Variants in VTI1A observed in about 807,000 individuals in gnomAD.
The protein encoded by VTI1A is vesicle transport through interaction with t-SNAREs 1A.
Under a neutral mutation model 34.9 loss-of-function variants are expected in VTI1A, and 22 were observed. That is an observed-to-expected ratio of 0.63 (90% CI 0.45 to 0.90). VTI1A has a LOEUF of 0.90. VTI1A is among the 40% of genes least tolerant of loss of function. The pLI is 0.00. For missense variants in VTI1A, 268 were observed against 275.6 expected (o/e 0.97, Z 0.20); for synonymous variants, 87 against 97.3 (o/e 0.89, Z 0.62).
At chr10:112,679,614 T>G (rs763785739) in intron 7 of VTI1A, among the ~76,000 whole-genome samples, 5 of 152,064 alleles carry the variant, frequency 3.3e-5, no homozygotes, top group Non-Finnish European at 7.4e-5. Context: ...AATGGCAAAT[T>G]TGACCACAAT....
chr10:112,842,496 G>T, the VTI1A span, among the ~76,000 whole-genome samples: 1 of 152,224 alleles, frequency 6.6e-6, no homozygotes, highest in Non-Finnish European at 1.5e-5. Flanking sequence ...ACTGGTCCAG[G>T]TCAGCAGGCC....
chr10:112,741,945 A>G (rs762651990), intron 7 of VTI1A, among the ~76,000 whole-genome samples: 1 of 152,230 alleles, frequency 6.6e-6, no homozygotes, highest in Non-Finnish European at 1.5e-5. Flanking sequence ...TTAGCAATGC[A>G]TATTGAGATA....
At chr10:112,605,888 A>G (rs1536081) in intron 5 of VTI1A, among the ~76,000 whole-genome samples, 120,442 of 152,184 alleles carry the variant, frequency 0.79, 48,609 homozygotes, top group African/African-American at 0.93. Context: ...AACTTTTCAC[A>G]CAAAGCTAGA....
intron 3 of VTI1A, among the ~76,000 whole-genome samples, chr10:112,466,876 G>A (rs530181060): frequency 6.6e-6 from 1 of 152,242 alleles, no homozygotes; most frequent in East Asian, 1.9e-4. Context: ...GGTTCCTTTT[G>A]AGGCCTCTCT....
chr10:112,761,129 T>C (rs899564196), intron 7 of VTI1A, among the ~76,000 whole-genome samples: 4 of 152,294 alleles, frequency 2.6e-5, no homozygotes, highest in Non-Finnish European at 2.9e-5. Flanking sequence ...ATGGACTGTA[T>C]GTCTTGAGGA....
At chr10:112,447,490 C>T in intron 1 of VTI1A, 23 bp downstream of exon 1, 1 of 1,610,830 alleles carries the variant, frequency 6.2e-7, no homozygotes, top group Non-Finnish European at 8.5e-7. Flanking sequence ...CCCGGCTGGA[C>T]GAGGGTGCTG....
chr10:112,731,275 G>A (rs1005030298), intron 7 of VTI1A, among the ~76,000 whole-genome samples: 11 of 152,034 alleles, frequency 7.2e-5, no homozygotes, highest in Admixed American at 1.3e-4. Context: ...ATGACTTCCC[G>A]TGAATAAACT....
intron 7 of VTI1A, among the ~76,000 whole-genome samples, chr10:112,793,724 C>CT (rs1333272075): frequency 1.3e-5 from 2 of 152,220 alleles, no homozygotes; most frequent in African/African-American, 4.8e-5. Flanking sequence ...CAGGGTGGCG[C>CT]TTTTCTGCTA....
chr10:112,741,754 G>T (rs998842249), intron 7 of VTI1A, among the ~76,000 whole-genome samples: 7 of 151,954 alleles, frequency 4.6e-5, no homozygotes, highest in Non-Finnish European at 8.8e-5. Context: ...TACCAGCGTA[G>T]AAAAAAGGGG....
At chr10:112,666,423 C>T (rs898134692) in intron 5 of VTI1A, among the ~76,000 whole-genome samples, 4 of 152,142 alleles carry the variant, frequency 2.6e-5, no homozygotes, top group Admixed American at 2.6e-4. Context: ...CTTCTGTTAA[C>T]ACTTGTCTGT....
chr10:112,847,307 C>A, the VTI1A span, among the ~76,000 whole-genome samples: 1 of 152,290 alleles, frequency 6.6e-6, no homozygotes, highest in Middle Eastern at 3.4e-3. Context: ...CTGACCATCA[C>A]CCCCTATTTC....
intron 5 of VTI1A, among the ~76,000 whole-genome samples, chr10:112,574,539 T>C (rs925202403): frequency 2.6e-5 from 4 of 152,268 alleles, no homozygotes; most frequent in African/African-American, 9.6e-5. Flanking sequence ...CCCAGCTTTC[T>C]TTGCTATGAG....
intron 7 of VTI1A, among the ~76,000 whole-genome samples, chr10:112,762,641 T>C (rs1010521444): frequency 6.6e-6 from 1 of 152,244 alleles, no homozygotes; most frequent in African/African-American, 2.4e-5. Context: ...CAGGTCATTG[T>C]AATTATGCAA....
At chr10:112,656,660 C>T (rs986076341) in intron 5 of VTI1A, among the ~76,000 whole-genome samples, 4 of 151,838 alleles carry the variant, frequency 2.6e-5, no homozygotes, top group Non-Finnish European at 4.4e-5. Flanking sequence ...TGAGCCACCA[C>T]ACCCAGCCTA....
intron 5 of VTI1A, among the ~76,000 whole-genome samples, chr10:112,606,842 T>C (rs1452252894): frequency 6.6e-6 from 1 of 152,206 alleles, no homozygotes; most frequent in Non-Finnish European, 1.5e-5. Context: ...ACAATCAAAT[T>C]AGCTTCCTAT....
the VTI1A span, among the ~76,000 whole-genome samples, chr10:112,835,683 C>T: frequency 1.3e-5 from 2 of 152,110 alleles, no homozygotes; most frequent in East Asian, 3.9e-4. Flanking sequence ...TCTGCACACA[C>T]TCTTGGGCAA....
chr10:112,787,045 G>A (rs979743606), intron 7 of VTI1A, among the ~76,000 whole-genome samples: 1 of 152,040 alleles, frequency 6.6e-6, no homozygotes, highest in Non-Finnish European at 1.5e-5. Flanking sequence ...GCTTTTCTTT[G>A]TGGGAAGATT....
At chr10:112,680,884 G>A (rs986326086) in intron 7 of VTI1A, among the ~76,000 whole-genome samples, 8 of 152,140 alleles carry the variant, frequency 5.3e-5, no homozygotes, top group East Asian at 3.9e-4. Flanking sequence ...AGCTCCTAGC[G>A]GCAGAATTTG....
chr10:112,569,881 A>G (rs936830574), intron 5 of VTI1A, among the ~76,000 whole-genome samples: 3 of 152,354 alleles, frequency 2.0e-5, no homozygotes, highest in Admixed American at 6.5e-5. Context: ...GCTTTCATGT[A>G]TGAAGCTAAT....
Sources: allele counts gnomAD v4.1 joint callset (sites outside exome capture counted in the v4.1 genomes callset), GRCh38; gene constraint gnomAD v4.1.1; transcripts MANE v1.5; gene names NCBI Gene and HGNC (gene_info 2026-07-23, HGNC 2026-07-21).